The following KRT80 variants were observed in gnomAD, a reference collection of about 807,000 sequenced individuals.
KRT80 encodes the protein keratin 80.
A neutral mutation model predicts 51.5 loss-of-function variants in KRT80; 36 were observed. The observed-to-expected ratio is 0.70, with a 90% CI of 0.54 to 0.92. The LOEUF (loss-of-function observed/expected upper bound fraction) is 0.92, where lower values mean the gene tolerates loss of function less well. Ranked by LOEUF, KRT80 falls within the 40% of genes least tolerant of loss-of-function variation. The pLI, the probability that KRT80 is intolerant of heterozygous loss-of-function variation, is 0.00. For missense variants in KRT80, 566 were observed against 591.7 expected (o/e 0.96, Z 0.45); for synonymous variants, 235 against 248.3 (o/e 0.95, Z 0.50).
intron 7 of KRT80, 110 bp downstream of exon 7, chr12:52,172,088 G>A (rs1413659172): frequency 4.1e-6 from 5 of 1,222,050 alleles, no homozygotes; most frequent in Non-Finnish European, 5.8e-6. Context: ...CTTAAACCCA[G>A]GCCTGGTAGG....
chr12:52,177,474 A>G (rs1466635152), intron 4 of KRT80, among the ~76,000 whole-genome samples: 1 of 152,126 alleles, frequency 6.6e-6, no homozygotes, highest in East Asian at 1.9e-4. Flanking sequence ...CCCCAAACAC[A>G]CTTGGGAGCT....
intron 1 of KRT80, among the ~76,000 whole-genome samples, chr12:52,188,902 TCTC>T (rs1332878164): frequency 2.6e-5 from 4 of 152,150 alleles, no homozygotes; most frequent in African/African-American, 9.7e-5. Context: ...TGCTACTGCT[TCTC>T]CTCATCCCCC....
In KRT80 at chr12:52,173,108, C is replaced by T. The variant is rs141107117; in HGVS notation, c.887G>A (p.Arg296His). 22 of 1,613,384 alleles carry T rather than the reference C, an allele frequency of 1.4e-5. No homozygotes were observed. The highest frequency in any genetic ancestry group is 1.1e-4 in the African/African-American group (8 of 74,926). The change falls in exon 6 of 9, where the codon CGC becomes CAC. Residue 296 changes from arginine (R) to histidine (H), a missense_variant. Transcript: ENST00000394815. The part of the protein sequence containing the change: ...AEYGSSLQSS[R>H]SEIADLNVRI... ...CACATTGAGATCCGCGATCTCGCTG[C>T]GGCTGCTCTGGAGGCTGCTCCCATA...
At chr12:52,172,558 T>C (rs1160762979) in intron 6 of KRT80, 140 bp from the exon 7 acceptor site, 4 of 737,278 alleles carry the variant, frequency 5.4e-6, no homozygotes, top group Non-Finnish European at 8.7e-6. Flanking sequence ...GTGTGGTAAC[T>C]GGTTGCCATG....
rs1565701376 is a variant in KRT80, at chr12:52,191,736, G to A, written c.167C>T (p.Ser56Phe). ...CAGGCCGGGGTTCACAGTCACCTTG[G>A]AGATAGTGCCAGCCGACCAGCAGCC... ...LTGCWSAGTI[S>F]KVTVNPGLLV... The change falls in exon 1 of 9, where the codon TCC becomes TTC. Residue 56 changes from serine to phenylalanine, a missense_variant. Transcript: ENST00000394815. The A allele has an allele frequency of 1.9e-6, 3 of 1,613,592 alleles. No individual in the cohort carries two copies. The highest frequency in any genetic ancestry group is 2.5e-6 in the Non-Finnish European group (3 of 1,179,940).
rs746939283 is a variant in KRT80 at position 52,173,753 on chromosome 12, G to A, written c.678C>T (p.Asp226=). 2 of 1,610,894 alleles carry A rather than the reference G, an allele frequency of 1.2e-6. No individual in the cohort carries two copies. Among genetic ancestry groups the A allele is most frequent in the East Asian group, 2.2e-5 (1 of 44,888 alleles). Residue 226 remains aspartate, a synonymous_variant, in exon 5 of 9, where the codon GAC becomes GAT. Transcript: ENST00000394815. ...ACACATCCTTCACCTGTGCTGCCAG[G>A]TCCTTCAGCTCCTGACCGGGCACAG... ...MKTIYEQELK[D]LAAQVKDVSV...
At chr12:52,183,567 G>C (rs1283654179) in intron 2 of KRT80, among the ~76,000 whole-genome samples, 1 of 152,190 alleles carries the variant, frequency 6.6e-6, no homozygotes, top group Non-Finnish European at 1.5e-5. Context: ...AACTCGGGTG[G>C]GTTCCCTACC....
In KRT80 at chr12:52,169,912, G is replaced by A. The variant is rs1941055753; in HGVS notation, c.*1486C>T. On this transcript the variant is annotated 3_prime_UTR_variant, in exon 9 of 9. Transcript: ENST00000394815. The stretch of plus-strand genomic sequence containing the variant: ...GGCCTTGAGGCCTGGGATGGGCCCA[G>A]ACCTCTGGCCAACATGTCCTGGCAA... 6.6e-6 allele frequency: 1 copy of A among 152,236 alleles called. No homozygotes were observed. The highest frequency in any genetic ancestry group is 2.4e-5 in the African/African-American group (1 of 41,440). The allele number at this position is 152,236 out of a possible 1,614,324, so 9.4% of individuals were successfully genotyped here. A position where few individuals can be genotyped will look rare whatever the true frequency, so the allele number is the denominator to read the frequency against.
At position 52,173,025 on chromosome 12, in the gene KRT80, C is replaced by T. The variant is rs1273492414; in HGVS notation, c.957+13G>A. Reference sequence around the variant, plus strand: ...CTCCTCCCCGCCCCCAGGCGCGTCCCCCAGATACTCACATGGCTCTTGACA... The same window carrying T: ...CTCCTCCCCGCCCCCAGGCGCGTCCTCCAGATACTCACATGGCTCTTGACA... On this transcript the variant is annotated intron_variant, in intron 6 of 8. Coordinates refer to ENST00000394815, the MANE Select transcript of KRT80 (RefSeq NM_182507.3). 1 of 1,600,532 alleles carries T rather than the reference C, an allele frequency of 6.2e-7. No individual in the cohort carries two copies. The highest frequency in any genetic ancestry group is 1.3e-5 in the African/African-American group (1 of 74,548).
Position 52,185,364 on chromosome 12 carries a change from T to C in KRT80, c.509+15A>G, listed in dbSNP as rs370844607. On this transcript the variant is annotated intron_variant, in intron 2 of 8. Transcript: ENST00000394815. ...CCTCAGGCCTTGCTCATGGCTCTCA[T>C]GGGGCTCTACGTACCTGATTCGAAA... 228 of 1,597,626 alleles carry C rather than the reference T, an allele frequency of 1.4e-4. No individual in the cohort carries two copies. The African/African-American group carries it at 2.6e-3, about 18-fold the overall frequency.
At chr12:52,178,279 C>G (rs1941265271) in intron 4 of KRT80, among the ~76,000 whole-genome samples, 1 of 152,356 alleles carries the variant, frequency 6.6e-6, no homozygotes, top group African/African-American at 2.4e-5. Flanking sequence ...GCCCCAGTGC[C>G]CACCGAAGGC....
At chr12:52,189,544 A>C (rs932585819) in intron 1 of KRT80, among the ~76,000 whole-genome samples, 12 of 152,224 alleles carry the variant, frequency 7.9e-5, no homozygotes, top group African/African-American at 2.9e-4. Context: ...GTGGACCGGG[A>C]TTTAAACCCC....
chr12:52,175,465 C>T (rs1941202123), intron 4 of KRT80, among the ~76,000 whole-genome samples: 2 of 151,992 alleles, frequency 1.3e-5, no homozygotes, highest in Admixed American at 1.3e-4. Context: ...GTCTCTCTTT[C>T]TGCTTGGAGA....
Position 52,173,040 on chromosome 12 carries a change from G to GGCTCT in KRT80, c.950_954dup (p.His319ArgfsTer5). On this transcript the variant is annotated frameshift_variant, in exon 6 of 9. Transcript: ENST00000394815. LOFTEE classifies it high-confidence loss of function. The stretch of plus-strand genomic sequence containing the variant: ...AGGCGCGTCCCCCAGATACTCACAT[G>GGCTCT]GCTCTTGACAGAGAGGATCTGGGAC... 1 of 1,606,428 alleles carries GGCTCT rather than the reference G, an allele frequency of 6.2e-7. No individual in the cohort carries two copies. Among genetic ancestry groups the GGCTCT allele is most frequent in the Non-Finnish European group, 8.5e-7 (1 of 1,174,782 alleles).
chr12:52,185,523 T>A lies in KRT80; in HGVS notation c.365A>T (p.Asp122Val), dbSNP rs1488434237. The stretch of plus-strand genomic sequence containing the variant: ...ATGCCCGAGGTCGAAGATGGCTGAG[T>A]CCTGGCCCTGCAGGAAGCTCCAGCG... ...ETRWSFLQGQ[D>V]SAIFDLGHLY... Residue 122 changes from aspartate (D) to valine (V), a missense_variant, in exon 2 of 9, where the codon GAC (aspartate) becomes GTC (valine). Transcript: ENST00000394815. 1.2e-6 allele frequency: 2 copies of A among 1,613,462 alleles called. No individual in the cohort carries two copies. Among genetic ancestry groups the A allele is most frequent in the Admixed American group, 1.7e-5 (1 of 60,024 alleles).
chr12:52,179,524 G>A (rs1941287549), intron 4 of KRT80, among the ~76,000 whole-genome samples: 1 of 152,224 alleles, frequency 6.6e-6, no homozygotes, highest in Non-Finnish European at 1.5e-5. Context: ...CAGTTCCACG[G>A]AGGCCCCAGC....
At chr12:52,191,069 C>T (rs543912148) in intron 1 of KRT80, among the ~76,000 whole-genome samples, 1 of 152,306 alleles carries the variant, frequency 6.6e-6, no homozygotes, top group South Asian at 2.1e-4. Context: ...GCTGCACCCT[C>T]ACTTGCAGCA....
intron 7 of KRT80, 72 bp from the exon 8 acceptor site, chr12:52,171,785 C>A: frequency 9.4e-7 from 1 of 1,067,704 alleles, no homozygotes; most frequent in South Asian, 1.5e-5. Context: ...CTTAAACTCC[C>A]CTGGGGGCTG....
At chr12:52,181,173 A>C (rs1592362766) in intron 2 of KRT80, among the ~76,000 whole-genome samples, 3 of 150,046 alleles carry the variant, frequency 2.0e-5, no homozygotes, top group Non-Finnish European at 3.0e-5. Flanking sequence ...CCCGTTCCTC[A>C]CTCCCTCCTG....
Sources: allele counts gnomAD v4.1 joint callset (sites outside exome capture counted in the v4.1 genomes callset), GRCh38; gene constraint gnomAD v4.1.1; transcripts MANE v1.5; gene names NCBI Gene and HGNC (gene_info 2026-07-23, HGNC 2026-07-21).